Variants in VAPB observed in about 807,000 individuals in gnomAD.
VAPB encodes the protein vesicle-associated membrane protein-associated protein B/C.
Under a neutral mutation model 25.6 loss-of-function variants are expected in VAPB, and 7 were observed. The ratio of observed to expected loss-of-function variants is 0.27; its 90% CI spans 0.16 to 0.51. The LOEUF is 0.51. Among genes scored for constraint, VAPB ranks in the 20% least tolerant of loss-of-function variants. The pLI is 0.97. For synonymous variants in VAPB, 112 were observed against 109.2 expected (o/e 1.03, Z -0.16); for missense variants, 266 against 301.3 (o/e 0.88, Z 0.87).
intron 1 of VAPB, among the ~76,000 whole-genome samples, chr20:58,394,598 T>G (rs1002171402): frequency 2.6e-5 from 4 of 152,268 alleles, no homozygotes; most frequent in African/African-American, 9.6e-5. Flanking sequence ...GCATTAAACT[T>G]ACTAAACTTG....
chr20:58,449,854 C>T lies in VAPB; in HGVS notation c.*5619C>T. The T allele has an allele frequency of 2.2e-6, 1 of 454,076 alleles. No individual in the cohort carries two copies. The highest frequency in any genetic ancestry group is 4.4e-6 in the Non-Finnish European group (1 of 226,778). The allele number at this position is 454,076 out of a possible 1,614,324, so 28.1% of individuals were successfully genotyped here. On this transcript the variant is annotated 3_prime_UTR_variant, in exon 6 of 6. Transcript: ENST00000475243. ...TGATGAGCTGCAGGAGTGCGCCTGGCCTTCTGCAGGTGGAGCTGCTGTCAG... is the reference window on the plus strand; with the variant it reads ...TGATGAGCTGCAGGAGTGCGCCTGGTCTTCTGCAGGTGGAGCTGCTGTCAG...
At chr20:58,406,298 C>T (rs1001547395) in intron 1 of VAPB, among the ~76,000 whole-genome samples, 12 of 152,106 alleles carry the variant, frequency 7.9e-5, no homozygotes, top group Non-Finnish European at 1.6e-4. Context: ...AAAGAGAAGA[C>T]GTTTGAGCAA....
In VAPB at chr20:58,442,162, A is replaced by G. The variant is rs189515821; in HGVS notation, c.573+1079A>G. Reference sequence around the variant, plus strand: ...TAAGGCCCCTTCCAGCTTTAAAAGTATGAGTTTTCTTCTCTTTTACTCTGA... The same window carrying G: ...TAAGGCCCCTTCCAGCTTTAAAAGTGTGAGTTTTCTTCTCTTTTACTCTGA... On this transcript the variant is annotated intron_variant, in intron 5 of 5. Coordinates refer to ENST00000475243, the MANE Select transcript of VAPB (RefSeq NM_004738.5). Among the ~76,000 whole-genome samples the G allele has an allele frequency of 7.2e-5, 11 of 152,304 alleles. No individual in the cohort carries two copies. In the East Asian group the frequency reaches 9.7e-4, roughly 13 times the overall value.
chr20:58,430,104 A>G (rs1034131615), intron 2 of VAPB, among the ~76,000 whole-genome samples: 1 of 151,806 alleles, frequency 6.6e-6, no homozygotes, highest in Admixed American at 6.5e-5. Flanking sequence ...AATATTTATT[A>G]TATTAAAAAT....
intron 1 of VAPB, among the ~76,000 whole-genome samples, chr20:58,410,048 T>A (rs963969404): frequency 1.1e-4 from 17 of 152,062 alleles, no homozygotes; most frequent in Non-Finnish European, 1.5e-5. Flanking sequence ...CCCTTCCTTT[T>A]TTTAAAAAAA....
In VAPB at chr20:58,413,139, CTT is replaced by C. The variant is rs11481028; in HGVS notation, c.59-5057_59-5056del. On this transcript the variant is annotated intron_variant, in intron 1 of 5. Transcript: ENST00000475243. ...TTTTTGCTGGTATTGTATTTGCCTTCTTTTTTTTTTTTTTTTAATTTATTTTT... is the reference window on the plus strand; with the variant it reads ...TTTTTGCTGGTATTGTATTTGCCTTCTTTTTTTTTTTTTTAATTTATTTTT... Among the ~76,000 whole-genome samples, 12 of 132,586 alleles carry C rather than the reference CTT, an allele frequency of 9.1e-5. No individual in the cohort carries two copies. The East Asian group carries it at 1.1e-3, about 12-fold the overall frequency. 87.0% of individuals were successfully genotyped at this position (132,586 alleles called of 152,430 possible).
chr20:58,433,821 A>C (rs571424869), intron 2 of VAPB, among the ~76,000 whole-genome samples: 1 of 152,218 alleles, frequency 6.6e-6, no homozygotes, highest in South Asian at 2.1e-4. Flanking sequence ...AAGTTGTCTC[A>C]GGGAACTTAA....
In VAPB at chr20:58,446,872, A is replaced by G. The variant is rs1436540440; in HGVS notation, c.*2637A>G. On this transcript the variant is annotated 3_prime_UTR_variant, in exon 6 of 6. Transcript: ENST00000475243. The stretch of plus-strand genomic sequence containing the variant: ...TGGCTCCTGGAGGACTTGGAGATGC[A>G]TGCACATTTAGGGTGTTTTCCCTAG... 2 of 454,008 alleles carry G rather than the reference A, an allele frequency of 4.4e-6. No individual in the cohort carries two copies. Among genetic ancestry groups the G allele is most frequent in the East Asian group, 6.9e-5 (1 of 14,406 alleles). The allele number at this position is 454,008 out of a possible 1,614,324, so 28.1% of individuals were successfully genotyped here. A position where few individuals can be genotyped will look rare whatever the true frequency, so the allele number is the denominator to read the frequency against.
intron 2 of VAPB, 144 bp from the exon 3 acceptor site, chr20:58,434,458 C>T (rs1988994693): frequency 4.5e-6 from 3 of 663,472 alleles, no homozygotes; most frequent in East Asian, 2.8e-5. Flanking sequence ...GTTGGTCATC[C>T]TTGCTTACTT....
At chr20:58,437,518 A>T (rs1989075264) in intron 3 of VAPB, among the ~76,000 whole-genome samples, 1 of 152,180 alleles carries the variant, frequency 6.6e-6, no homozygotes, top group Admixed American at 6.5e-5. Context: ...CCCTGTGGTT[A>T]ATAGGTAATC....
intron 4 of VAPB, chr20:58,439,454 C>T (rs1480192425): frequency 4.7e-6 from 1 of 213,610 alleles, no homozygotes; most frequent in East Asian, 1.1e-4. Flanking sequence ...TTTACCCTAT[C>T]TACCTCTTCA....
chr20:58,450,832 T>C lies in VAPB; in HGVS notation c.*6597T>C, dbSNP rs1282141653. On this transcript the variant is annotated 3_prime_UTR_variant, in exon 6 of 6. Coordinates refer to ENST00000475243, the MANE Select transcript of VAPB (RefSeq NM_004738.5). ...ATTTGCTGTTTTGACATGGAAGTAA[T>C]TTAAAAAGTTGGTGCAGGAAAGGAC... 2 of 454,012 alleles carry C rather than the reference T, an allele frequency of 4.4e-6. No homozygotes were observed. Among genetic ancestry groups the C allele is most frequent in the Non-Finnish European group, 8.8e-6 (2 of 226,804 alleles). 28.1% of individuals were successfully genotyped at this position (454,012 alleles called of 1,614,324 possible).
intron 1 of VAPB, among the ~76,000 whole-genome samples, chr20:58,396,035 A>C (rs1987950867): frequency 6.6e-6 from 1 of 152,196 alleles, no homozygotes; most frequent in South Asian, 2.1e-4. Flanking sequence ...GACAAAGACA[A>C]ACCCCCCTTG....
In VAPB at chr20:58,444,583, C is replaced by T. The variant is rs182950622; in HGVS notation, c.*348C>T. On this transcript the variant is annotated 3_prime_UTR_variant, in exon 6 of 6. Transcript: ENST00000475243. ...TGCTGGATTACCTCTCTTAAAATGACACCCTTCCTCGCCTGTTGGTGCTGG... is the reference window on the plus strand; with the variant it reads ...TGCTGGATTACCTCTCTTAAAATGATACCCTTCCTCGCCTGTTGGTGCTGG... The T allele has an allele frequency of 1.0e-4, 47 of 462,188 alleles. No individual in the cohort carries two copies. In the East Asian group the frequency reaches 1.7e-3, roughly 16 times the overall value. The allele number at this position is 462,188 out of a possible 1,614,324, so 28.6% of individuals were successfully genotyped here.
chr20:58,442,317 T>G (rs1282994258), intron 5 of VAPB, among the ~76,000 whole-genome samples: 4 of 152,218 alleles, frequency 2.6e-5, no homozygotes, highest in Non-Finnish European at 5.9e-5. Context: ...TGACACTACT[T>G]TTTGGCTAAA....
chr20:58,395,488 C>T (rs1987934276), intron 1 of VAPB, among the ~76,000 whole-genome samples: 1 of 152,028 alleles, frequency 6.6e-6, no homozygotes, highest in Non-Finnish European at 1.5e-5. Flanking sequence ...GAAAAATTTG[C>T]TGTCTAAAGG....
chr20:58,437,130 T>G (rs1229656367), intron 3 of VAPB, among the ~76,000 whole-genome samples: 2 of 150,508 alleles, frequency 1.3e-5, no homozygotes, highest in African/African-American at 4.9e-5. Flanking sequence ...CCATGCCGGC[T>G]ATTTTTTTAT....
At chr20:58,424,458 C>T (rs190026309) in intron 2 of VAPB, among the ~76,000 whole-genome samples, 199 of 151,810 alleles carry the variant, frequency 1.3e-3, no homozygotes, top group African/African-American at 4.6e-3. Context: ...CCTTAAGCCT[C>T]GGGGAATTGT....
intron 2 of VAPB, among the ~76,000 whole-genome samples, chr20:58,420,350 G>A (rs190540049): frequency 1.6e-4 from 24 of 152,286 alleles, no homozygotes; most frequent in African/African-American, 5.8e-4. Flanking sequence ...AAGTAAAAGC[G>A]AACTCTGCCT....
Sources: allele counts gnomAD v4.1 joint callset (sites outside exome capture counted in the v4.1 genomes callset), GRCh38; gene constraint gnomAD v4.1.1; transcripts MANE v1.5; gene names NCBI Gene and HGNC (gene_info 2026-07-23, HGNC 2026-07-21).